DPP6: variants seen among roughly 807,000 people sequenced by gnomAD.
The protein encoded by DPP6 is A-type potassium channel modulatory protein DPP6.
In DPP6, 69 loss-of-function variants were observed where a neutral mutation model predicts 122.6. The observed-to-expected ratio is 0.56, with a 90% confidence interval of 0.46 to 0.69. The LOEUF (loss-of-function observed/expected upper bound fraction) is 0.69. Among genes scored for constraint, DPP6 ranks in the 30% least tolerant of loss-of-function variants. The pLI, the probability that DPP6 is intolerant of heterozygous loss-of-function variation, is 0.00. For synonymous variants in DPP6, 418 were observed against 433.1 expected (o/e 0.97, Z 0.43); for missense variants, 928 against 1,116.9 (o/e 0.83, Z 2.41).
At chr7:153,936,183 A>G (rs1227153852) in intron 1 of DPP6, among the ~76,000 whole-genome samples, 1 of 152,164 alleles carries the variant, frequency 6.6e-6, no homozygotes, top group Non-Finnish European at 1.5e-5. Context: ...TTGTCTCCTA[A>G]GAAGCTTATA....
chr7:154,157,568 A>T (rs569141858), intron 1 of DPP6, among the ~76,000 whole-genome samples: 2 of 152,302 alleles, frequency 1.3e-5, no homozygotes, highest in East Asian at 3.9e-4. Context: ...CCAGTTGCTA[A>T]TATGTTCAAT....
At chr7:154,082,099 G>A (rs2628720) in intron 1 of DPP6, among the ~76,000 whole-genome samples, 28 of 152,264 alleles carry the variant, frequency 1.8e-4, no homozygotes, top group African/African-American at 5.5e-4. Context: ...CAGCACAGGG[G>A]CAGCGGGTTC....
chr7:154,638,598 G>A (rs1013266931), intron 6 of DPP6, among the ~76,000 whole-genome samples: 12 of 151,912 alleles, frequency 7.9e-5, no homozygotes, highest in South Asian at 2.1e-4. Flanking sequence ...GAGCAGGAGC[G>A]AGTTTAGTTT....
At chr7:154,135,028 A>G (rs1795474981) in intron 1 of DPP6, among the ~76,000 whole-genome samples, 2 of 150,064 alleles carry the variant, frequency 1.3e-5, no homozygotes, top group South Asian at 2.1e-4. Flanking sequence ...GTGAGCCCAT[A>G]CTTCCTCTGT....
intron 1 of DPP6, among the ~76,000 whole-genome samples, chr7:153,923,731 A>G (rs1352778664): frequency 7.4e-6 from 1 of 134,438 alleles, no homozygotes; most frequent in Non-Finnish European, 1.5e-5. Context: ...ACTGCACTCC[A>G]GCCTGGGCAA....
chr7:153,815,087 T>C, the DPP6 span, among the ~76,000 whole-genome samples: 771 of 152,234 alleles, frequency 5.1e-3, 6 homozygotes, highest in African/African-American at 0.017. Flanking sequence ...CTATTCAACA[T>C]AGTGTTGGAA....
chr7:154,160,621 C>T (rs1016079313), intron 1 of DPP6, among the ~76,000 whole-genome samples: 6 of 151,680 alleles, frequency 4.0e-5, no homozygotes, highest in African/African-American at 1.5e-4. Context: ...TTCATGCATG[C>T]TGAGGAGGGG....
rs562888975 is a variant in DPP6, at chr7:154,484,398, C to T, written c.457+9361C>T. Among the ~76,000 whole-genome samples, 5 of 152,324 alleles carry T rather than the reference C, an allele frequency of 3.3e-5. No homozygotes were observed. The South Asian group carries it at 1.0e-3, about 32-fold the overall frequency. ...TTTATGAAGGCAGCCTGGGCTAAAC[C>T]TTGGAAATGGTTTGATAAGCCCCAT... On this transcript the variant is annotated intron_variant, in intron 3 of 25. Transcript: ENST00000377770.
At chr7:154,533,376 C>G (rs189784076) in intron 3 of DPP6, among the ~76,000 whole-genome samples, 6 of 152,272 alleles carry the variant, frequency 3.9e-5, no homozygotes, top group Admixed American at 3.3e-4. Context: ...ATTTTCAACA[C>G]CGACCTAAGA....
intron 4 of DPP6, among the ~76,000 whole-genome samples, chr7:154,564,639 G>A (rs1394808112): frequency 6.6e-6 from 1 of 152,120 alleles, no homozygotes; most frequent in African/African-American, 2.4e-5. Context: ...CATAGATTGG[G>A]ATCTTCATTA....
intron 1 of DPP6, among the ~76,000 whole-genome samples, chr7:154,127,597 T>TCACACACACACACACA (rs71182879): frequency 4.1e-4 from 56 of 136,766 alleles, no homozygotes; most frequent in African/African-American, 1.5e-3. Flanking sequence ...GAGCAGCATC[T>TCACACACACACACACA]CACACACACA....
intron 1 of DPP6, among the ~76,000 whole-genome samples, chr7:154,167,191 A>T (rs932832499): frequency 2.6e-5 from 4 of 152,170 alleles, no homozygotes; most frequent in African/African-American, 9.7e-5. Context: ...ATGATTGACA[A>T]ATGGAAACCG....
At chr7:153,965,222 T>C (rs1487014206) in intron 1 of DPP6, among the ~76,000 whole-genome samples, 1 of 152,152 alleles carries the variant, frequency 6.6e-6, no homozygotes, top group African/African-American at 2.4e-5. Context: ...ATATGCTTGT[T>C]AATGCTTTTA....
chr7:154,552,291 A>C (rs1829695650), intron 4 of DPP6, among the ~76,000 whole-genome samples: 1 of 152,206 alleles, frequency 6.6e-6, no homozygotes, highest in Non-Finnish European at 1.5e-5. Flanking sequence ...CTTTCGCCCC[A>C]AACCTCCAGG....
At chr7:154,395,719 A>T (rs1478330730) in intron 1 of DPP6, among the ~76,000 whole-genome samples, 1 of 151,922 alleles carries the variant, frequency 6.6e-6, no homozygotes, top group Non-Finnish European at 1.5e-5. Context: ...TTTTTTTCTG[A>T]TTTAAATTAC....
intron 10 of DPP6, among the ~76,000 whole-genome samples, chr7:154,774,279 TA>T (rs371013165): frequency 1.8e-4 from 27 of 149,834 alleles, no homozygotes; most frequent in African/African-American, 6.1e-4. Context: ...TGCTGAGATT[TA>T]AAAAAAAAAG....
intron 1 of DPP6, among the ~76,000 whole-genome samples, chr7:154,248,446 G>T (rs2150890444): frequency 6.6e-6 from 1 of 152,244 alleles, no homozygotes; most frequent in South Asian, 2.1e-4. Context: ...ATTATGGGAG[G>T]GTGGGGGTGG....
intron 10 of DPP6, chr7:154,793,818 G>A (rs1444932982): frequency 7.4e-6 from 3 of 405,392 alleles, no homozygotes; most frequent in African/African-American, 2.1e-5. Context: ...CTCACCCCCA[G>A]GGCAGCCACA....
At chr7:154,477,014 G>A (rs558847463) in intron 3 of DPP6, among the ~76,000 whole-genome samples, 37 of 152,116 alleles carry the variant, frequency 2.4e-4, no homozygotes, top group African/African-American at 7.5e-4. Context: ...GGGAGGTCCA[G>A]GCTGCGGTTA....
Sources: allele counts gnomAD v4.1 joint callset (sites outside exome capture counted in the v4.1 genomes callset), GRCh38; gene constraint gnomAD v4.1.1; transcripts MANE v1.5; gene names NCBI Gene and HGNC (gene_info 2026-07-23, HGNC 2026-07-21).